Variants in UGT1A7 observed in about 807,000 individuals in gnomAD.
UGT1A7 encodes the protein UDP-glucuronosyltransferase 1A7.
A neutral mutation model predicts 45.6 loss-of-function variants in UGT1A7; 33 were observed. The ratio of observed to expected loss-of-function variants is 0.72; its 90% confidence interval spans 0.55 to 0.97. UGT1A7 has a LOEUF of 0.97. Among genes scored for constraint, UGT1A7 ranks in the 50% least tolerant of loss-of-function variants. The pLI, the probability that UGT1A7 is intolerant of heterozygous loss-of-function variation, is 0.00. For synonymous variants in UGT1A7, 274 were observed against 250.6 expected, an observed-to-expected ratio of 1.09 and a Z score of -0.88; for missense variants, 684 against 666.2, an observed-to-expected ratio of 1.03 and a Z score of -0.29.
Position 233,744,055 on chromosome 2 carries a change from C to A in UGT1A7, c.856-22979C>A, listed in dbSNP as rs115067532. 2,270 of 645,232 alleles carry A rather than the reference C, an allele frequency of 3.5e-3. 102 individuals carry two copies. The African/African-American group carries it at 0.042, about 12-fold the overall frequency. 40.0% of individuals were successfully genotyped at this position (645,232 alleles called of 1,614,324 possible). A position where few individuals can be genotyped will look rare whatever the true frequency, so the allele number is the denominator to read the frequency against. ...TATGACGCAGCCACATCTCATTGGT[C>A]GAGGCCTATGAGCGCCTCGCATCCC... is the stretch of plus-strand genomic sequence containing the variant. On this transcript the variant is annotated intron_variant, in intron 1 of 4. Coordinates refer to ENST00000373426, the MANE Select transcript of UGT1A7 (RefSeq NM_019077.3).
intron 1 of UGT1A7, among the ~76,000 whole-genome samples, chr2:233,705,866 T>C (rs1328225080): frequency 6.6e-6 from 1 of 152,092 alleles, no homozygotes; most frequent in African/African-American, 2.4e-5. Flanking sequence ...GGCAGGCAGA[T>C]CACTTGAGGC....
rs1049544264 is a variant in UGT1A7 at position 233,721,928 on chromosome 2, T to C, written c.855+39136T>C. 6 of 384,478 alleles carry C rather than the reference T, an allele frequency of 1.6e-5. No homozygotes were observed. The East Asian group carries it at 4.4e-4, about 28-fold the overall frequency. The allele number at this position is 384,478 out of a possible 1,614,324, so 23.8% of individuals were successfully genotyped here. A position where few individuals can be genotyped will look rare whatever the true frequency, so the allele number is the denominator to read the frequency against. ...TGCACACTGCTTCCATAAAGTGACATCCTTCAGACACTTGGTGGCTCTTTG... is the reference window on the plus strand; with the variant it reads ...TGCACACTGCTTCCATAAAGTGACACCCTTCAGACACTTGGTGGCTCTTTG... On this transcript the variant is annotated intron_variant, in intron 1 of 4. Transcript: ENST00000373426.
intron 1 of UGT1A7, among the ~76,000 whole-genome samples, chr2:233,699,481 C>T (rs2075508169): frequency 6.6e-6 from 1 of 152,178 alleles, no homozygotes; most frequent in Non-Finnish European, 1.5e-5. Flanking sequence ...AAATCCTAGT[C>T]TCTTCTACTT....
At chr2:233,694,433 C>T (rs542980334) in intron 1 of UGT1A7, among the ~76,000 whole-genome samples, 1 of 152,210 alleles carries the variant, frequency 6.6e-6, no homozygotes, top group East Asian at 1.9e-4. Context: ...GCAAAGCCTA[C>T]ACATTTACTG....
intron 1 of UGT1A7, among the ~76,000 whole-genome samples, chr2:233,714,574 C>A (rs1193502445): frequency 2.0e-5 from 3 of 152,204 alleles, no homozygotes; most frequent in Non-Finnish European, 2.9e-5. Flanking sequence ...AAACCACATA[C>A]ATAATTTAAA....
intron 1 of UGT1A7, among the ~76,000 whole-genome samples, chr2:233,759,210 T>C (rs1169742751): frequency 6.6e-6 from 1 of 152,134 alleles, no homozygotes; most frequent in African/African-American, 2.4e-5. Context: ...CCCAATCAGG[T>C]CCATTTATGC....
At chr2:233,699,180 C>G (rs1205955703) in intron 1 of UGT1A7, among the ~76,000 whole-genome samples, 6 of 152,020 alleles carry the variant, frequency 3.9e-5, no homozygotes, top group Non-Finnish European at 7.4e-5. Context: ...CTGATCCTCA[C>G]TTCTTCTTCA....
At chr2:233,724,263 A>G (rs1575551181) in intron 1 of UGT1A7, among the ~76,000 whole-genome samples, 11 of 125,726 alleles carry the variant, frequency 8.7e-5, no homozygotes, top group Admixed American at 7.6e-4. Context: ...CACCTCCCGG[A>G]CGGGGCGGCT....
Position 233,682,181 on chromosome 2 carries a change from A to G in UGT1A7, c.244A>G (p.Thr82Ala), listed in dbSNP as rs933713283. ...AGTGAAGACTTACTCAACCTCATAC[A>G]CTCTGGAGGATCAGGACCGGGAGTT... Reference protein sequence around the residue: ...CTVKTYSTSYTLEDQDREFMV... With the variant: ...CTVKTYSTSYALEDQDREFMV... Residue 82 changes from threonine (T) to alanine (A), a missense_variant, in exon 1 of 5, where the codon ACT becomes GCT. Thr to Ala is a moderately conservative substitution (Grantham distance 58, BLOSUM62 0). Transcript: ENST00000373426. 6.2e-7 allele frequency: 1 copy of G among 1,613,844 alleles called. No individual in the cohort carries two copies. The highest frequency in any genetic ancestry group is 2.2e-5 in the East Asian group (1 of 44,888).
chr2:233,703,685 T>C (rs1041674498), intron 1 of UGT1A7, among the ~76,000 whole-genome samples: 7 of 152,282 alleles, frequency 4.6e-5, no homozygotes, highest in Admixed American at 2.0e-4. Flanking sequence ...ATATTTTTTT[T>C]CCACCATTTA....
intron 1 of UGT1A7, among the ~76,000 whole-genome samples, chr2:233,711,102 G>C (rs1389158237): frequency 6.6e-6 from 1 of 152,178 alleles, no homozygotes; most frequent in African/African-American, 2.4e-5. Context: ...GTGCAGCCCA[G>C]ACCCCTCCTC....
Position 233,691,777 on chromosome 2 carries a change from C to T in UGT1A7, c.855+8985C>T, listed in dbSNP as rs1445680377. 1.3e-4 allele frequency: 40 copies of T among 315,194 alleles called. 1 individual carries two copies. Among genetic ancestry groups the T allele is most frequent in the Non-Finnish European group, 1.7e-4 (36 of 217,008 alleles). 19.5% of individuals were successfully genotyped at this position (315,194 alleles called of 1,614,324 possible). ...GACTCCTGCTCTAGGATTCTCACCA[C>T]GTACTGGCTAGACTTATACTTCTCA... On this transcript the variant is annotated intron_variant, in intron 1 of 4. Transcript: ENST00000373426.
chr2:233,720,719 T>G (rs77826548), intron 1 of UGT1A7, among the ~76,000 whole-genome samples: 1 of 151,710 alleles, frequency 6.6e-6, no homozygotes, highest in African/African-American at 2.4e-5. Flanking sequence ...TTTTTTTTTT[T>G]TCTTGAGACT....
At chr2:233,730,669 A>T (rs1310479965) in intron 1 of UGT1A7, among the ~76,000 whole-genome samples, 1 of 152,122 alleles carries the variant, frequency 6.6e-6, no homozygotes, top group African/African-American at 2.4e-5. Flanking sequence ...CGGAAGGCAA[A>T]GTAATGGTTG....
chr2:233,738,651 A>G (rs1690862678), intron 1 of UGT1A7, among the ~76,000 whole-genome samples: 1 of 152,234 alleles, frequency 6.6e-6, no homozygotes, highest in Non-Finnish European at 1.5e-5. Context: ...GCTCTTTGGA[A>G]CTACGAACTT....
intron 1 of UGT1A7, among the ~76,000 whole-genome samples, chr2:233,746,886 T>C (rs1265545295): frequency 6.6e-6 from 1 of 151,624 alleles, no homozygotes; most frequent in Non-Finnish European, 1.5e-5. Context: ...AACAGAGAAG[T>C]AGGAGGCTGT....
rs771390950 is a variant in UGT1A7, at chr2:233,729,756, G to T, written c.856-37278G>T. The T allele has an allele frequency of 1.9e-6, 3 of 1,613,874 alleles. No individual in the cohort carries two copies. The South Asian group carries it at 3.3e-5, about 18-fold the overall frequency. On this transcript the variant is annotated intron_variant, in intron 1 of 4. Transcript: ENST00000373426. ...CAGACCACATGACATTCATGCAAAG[G>T]GTCAAGAACATGCTCTACCCTCTGG... is the stretch of plus-strand genomic sequence containing the variant.
Position 233,769,666 on chromosome 2 carries a change from T to C in UGT1A7, c.1295+1227T>C. 1 of 1,592,264 alleles carries C rather than the reference T, an allele frequency of 6.3e-7. No individual in the cohort carries two copies. The highest frequency in any genetic ancestry group is 8.6e-7 in the Non-Finnish European group (1 of 1,169,428). On this transcript the variant is annotated intron_variant, in intron 4 of 4. Transcript: ENST00000373426. This position sits in a 1 kb window ranked among gnomAD's most constrained non-coding sequence, Gnocchi z 4.4. ...GATGACTGACTTCCCACCTTTGAGG[T>C]GCTAATGTGTGTGTGGTGGCACTGG...
At chr2:233,741,211 A>C (rs764528916) in intron 1 of UGT1A7, among the ~76,000 whole-genome samples, 2 of 151,912 alleles carry the variant, frequency 1.3e-5, no homozygotes, top group African/African-American at 4.9e-5. Context: ...AACTAGCCAG[A>C]GTTGTTACAG....
Sources: gnomAD v4.1 joint callset for allele counts (sites outside exome capture counted in the v4.1 genomes callset) on GRCh38, gnomAD v4.1.1 for gene constraint, Gnocchi (gnomAD v3.1) non-coding constraint, MANE v1.5 for transcripts, NCBI Gene and HGNC (gene_info 2026-07-23, HGNC 2026-07-21) for gene names.